Variants in TRPC4AP observed in about 807,000 individuals in gnomAD.
TRPC4AP encodes short transient receptor potential channel 4-associated protein.
In TRPC4AP, 45 loss-of-function variants were observed where a neutral mutation model predicts 99.0. The ratio of observed to expected loss-of-function variants is 0.45; its 90% confidence interval spans 0.36 to 0.58. TRPC4AP has a LOEUF of 0.58. TRPC4AP is among the 20% of genes least tolerant of loss of function. The probability of loss-of-function intolerance (pLI) is 0.00; values close to 1 mark genes in which losing one functional copy is unlikely to be tolerated. For missense variants in TRPC4AP, 879 were observed against 985.3 expected, an observed-to-expected ratio of 0.89 and a Z score of 1.44; for synonymous variants, 408 against 385.8, an observed-to-expected ratio of 1.06 and a Z score of -0.67.
At chr20:35,013,488 G>C (rs764674422) in intron 10 of TRPC4AP, among the ~76,000 whole-genome samples, 1 of 152,176 alleles carries the variant, frequency 6.6e-6, no homozygotes, top group Non-Finnish European at 1.5e-5. Context: ...TGAGGCAGGA[G>C]AATCACTTGA....
rs2146065142 is a variant in TRPC4AP, at chr20:35,092,692, G to A, written c.90C>T (p.Gly30=). The A allele has an allele frequency of 6.5e-7, 1 of 1,538,482 alleles. No homozygotes were observed. ...GCAGAATGTTACCAGGCCGCGGCCGGCCGCCCCATCCGCCCCAAGCCGCCA... is the reference window on the plus strand; with the variant it reads ...GCAGAATGTTACCAGGCCGCGGCCGACCGCCCCATCCGCCCCAAGCCGCCA... ...ATVAAWGGWG[G]RPRPGNILLQ... Residue 30 remains glycine, a synonymous_variant, in exon 1 of 19, where the codon GGC becomes GGT. Transcript: ENST00000252015.
At chr20:35,075,835 T>C (rs1314421653) in intron 2 of TRPC4AP, among the ~76,000 whole-genome samples, 1 of 152,224 alleles carries the variant, frequency 6.6e-6, no homozygotes, top group Non-Finnish European at 1.5e-5. Context: ...TTCTCCTGGA[T>C]AATATCCTGA....
intron 8 of TRPC4AP, among the ~76,000 whole-genome samples, chr20:35,024,854 A>AAAAAAAAAAACAAAAAACAT (rs1479270980): frequency 5.6e-5 from 5 of 89,480 alleles, no homozygotes; most frequent in Non-Finnish European, 1.1e-4. Context: ...AAAAAAAAAA[A>AAAAAAAAAAACAAAAAACAT]ATTCTGTTTA....
chr20:35,079,689 G>C (rs1251625803), intron 1 of TRPC4AP, among the ~76,000 whole-genome samples: 1 of 152,042 alleles, frequency 6.6e-6, no homozygotes, highest in African/African-American at 2.4e-5. Flanking sequence ...GTACATAAGA[G>C]GAGTTATTAT....
intron 9 of TRPC4AP, 71 bp from the exon 10 acceptor site, chr20:35,016,210 G>C: frequency 1.9e-6 from 3 of 1,562,514 alleles, no homozygotes; most frequent in Non-Finnish European, 2.6e-6. Context: ...CTCGTGCTCA[G>C]TACACACGAT....
intron 3 of TRPC4AP, among the ~76,000 whole-genome samples, chr20:35,068,811 C>T (rs1037946359): frequency 4.6e-5 from 7 of 150,644 alleles, no homozygotes; most frequent in African/African-American, 1.5e-4. Flanking sequence ...TGAGCCACTG[C>T]GCCCGGCCTA....
intron 2 of TRPC4AP, among the ~76,000 whole-genome samples, chr20:35,070,047 G>A (rs991141140): frequency 1.3e-5 from 2 of 152,106 alleles, no homozygotes; most frequent in Admixed American, 6.6e-5. Context: ...GAAGAAATGA[G>A]GCCAAGAGCA....
chr20:35,035,577 G>C (rs2083299337), intron 7 of TRPC4AP, among the ~76,000 whole-genome samples: 3 of 152,178 alleles, frequency 2.0e-5, no homozygotes, highest in South Asian at 2.1e-4. Context: ...GTGTGTCTTT[G>C]AGCCAAGAGG....
chr20:35,064,129 G>A (rs1474538371), intron 3 of TRPC4AP, among the ~76,000 whole-genome samples: 1 of 152,162 alleles, frequency 6.6e-6, no homozygotes, highest in Non-Finnish European at 1.5e-5. Context: ...TATATGCTGA[G>A]AATATGACTA....
At chr20:35,083,103 A>G (rs1170106728) in intron 1 of TRPC4AP, among the ~76,000 whole-genome samples, 1 of 152,234 alleles carries the variant, frequency 6.6e-6, no homozygotes, top group African/African-American at 2.4e-5. Flanking sequence ...AGATGACTGT[A>G]CAGTATACAA....
At position 35,080,810 on chromosome 20, in the gene TRPC4AP, T is replaced by TTTG. The variant is rs1291718090; in HGVS notation, c.169-2637_169-2636insCAA. Among the ~76,000 whole-genome samples, 38 of 152,174 alleles carry TTTG rather than the reference T, an allele frequency of 2.5e-4. No individual in the cohort carries two copies. In the East Asian group the frequency reaches 2.5e-3, roughly 10 times the overall value. On this transcript the variant is annotated intron_variant, in intron 1 of 18. Transcript: ENST00000252015. ...CACTGACTTGTACACTTCAGTTTTT[T>TTTG]TTTTTTTTACCCTTTTATCTCCTTA...
At chr20:35,090,155 C>A in intron 1 of TRPC4AP, among the ~76,000 whole-genome samples, 1 of 141,896 alleles carries the variant, frequency 7.0e-6, no homozygotes. Context: ...GAGAGAGGAG[C>A]GGAAGGGCAC....
At chr20:35,084,253 T>C (rs73273898) in intron 1 of TRPC4AP, among the ~76,000 whole-genome samples, 6,637 of 149,060 alleles carry the variant, frequency 0.045, 481 homozygotes, top group African/African-American at 0.16. Flanking sequence ...CGGGCAACAG[T>C]GCGAGACTCC....
intron 7 of TRPC4AP, among the ~76,000 whole-genome samples, chr20:35,039,129 T>C (rs1425073655): frequency 6.6e-6 from 1 of 152,204 alleles, no homozygotes; most frequent in Non-Finnish European, 1.5e-5. Flanking sequence ...GTATTCTACA[T>C]GAAAATCTTC....
chr20:35,050,039 A>C (rs754856831), intron 5 of TRPC4AP, 45 bp from the exon 6 acceptor site: 2 of 1,589,416 alleles, frequency 1.3e-6, no homozygotes, highest in Non-Finnish European at 8.6e-7. Context: ...GTACAAAATA[A>C]ATTATGAAAG....
intron 7 of TRPC4AP, among the ~76,000 whole-genome samples, chr20:35,041,660 C>T (rs2083449099): frequency 6.6e-6 from 1 of 152,206 alleles, no homozygotes; most frequent in Non-Finnish European, 1.5e-5. Context: ...GCTGGTTTTA[C>T]TTAAGTCAGT....
At chr20:35,067,452 T>C (rs2084173753) in intron 3 of TRPC4AP, among the ~76,000 whole-genome samples, 1 of 152,216 alleles carries the variant, frequency 6.6e-6, no homozygotes, top group Non-Finnish European at 1.5e-5. Context: ...GAAAACATTC[T>C]GGCAGTTCCT....
intron 9 of TRPC4AP, among the ~76,000 whole-genome samples, chr20:35,018,962 C>A (rs1263904494): frequency 2.0e-5 from 3 of 151,854 alleles, no homozygotes; most frequent in African/African-American, 7.3e-5. Context: ...ACTCAGGGGG[C>A]ACTAAAAGAA....
chr20:35,052,060 G>GT (rs1170513508), intron 5 of TRPC4AP, among the ~76,000 whole-genome samples: 3 of 149,510 alleles, frequency 2.0e-5, no homozygotes, highest in Non-Finnish European at 3.0e-5. Flanking sequence ...TCGGGGGAGA[G>GT]TTTTTTCCAT....
Sources: gnomAD v4.1 joint callset for allele counts (sites outside exome capture counted in the v4.1 genomes callset) on GRCh38, gnomAD v4.1.1 for gene constraint, MANE v1.5 for transcripts, NCBI Gene and HGNC (gene_info 2026-07-23, HGNC 2026-07-21) for gene names.